Variants in MARF1 observed in about 807,000 individuals in gnomAD.
MARF1 encodes the protein limkain-b1.
Under a neutral mutation model 168.2 loss-of-function variants are expected in MARF1, and 24 were observed. The observed-to-expected ratio is 0.14, with a 90% CI of 0.10 to 0.20. The LOEUF (loss-of-function observed/expected upper bound fraction) is 0.20. MARF1 is among the 10% of genes least tolerant of loss of function. The pLI is 1.00. For synonymous variants in MARF1, 868 were observed against 822.4 expected, an observed-to-expected ratio of 1.06 and a Z score of -0.95; for missense variants, 1,744 against 2,143.6, an observed-to-expected ratio of 0.81 and a Z score of 3.68.
At chr16:15,619,341 T>A (rs1172729294) in intron 13 of MARF1, among the ~76,000 whole-genome samples, 1 of 152,242 alleles carries the variant, frequency 6.6e-6, no homozygotes, top group African/African-American at 2.4e-5. Context: ...ATTTGACATT[T>A]TGACATTTCT....
At chr16:15,639,416 T>G in intron 1 of MARF1, 125 bp from the exon 2 acceptor site, 1 of 672,972 alleles carries the variant, frequency 1.5e-6, no homozygotes, top group South Asian at 2.1e-5. Context: ...AAATCTTTGT[T>G]TCAAGAGGAA....
chr16:15,598,885 A>T lies in MARF1; in HGVS notation c.4953T>A (p.Ile1651=). 6.2e-7 allele frequency: 1 copy of T among 1,614,032 alleles called. No homozygotes were observed. The highest frequency in any genetic ancestry group is 8.5e-7 in the Non-Finnish European group (1 of 1,179,992). The part of the protein sequence containing the change: ...DPVILQSADL[I]QFEERPQEPS... ...GCTCTTGAGGGCGCTCCTCAAACTG[A>T]ATGAGATCAGCAGATTGGAGGATAA... The change falls in exon 26 of 27, where the codon ATT becomes ATA. Residue 1651 remains isoleucine (I), a synonymous_variant. Transcript: ENST00000396368.
intron 18 of MARF1, 27 bp from the exon 19 acceptor site, chr16:15,611,135 C>T (rs776272544): frequency 2.2e-5 from 35 of 1,609,506 alleles, no homozygotes; most frequent in East Asian, 6.7e-5. Flanking sequence ...GAAGTGGATA[C>T]GGAATGAGTA....
chr16:15,618,628 T>C (rs2034236600), intron 13 of MARF1, among the ~76,000 whole-genome samples: 1 of 152,318 alleles, frequency 6.6e-6, no homozygotes, highest in Non-Finnish European at 1.5e-5. Flanking sequence ...TCCCTGGCCC[T>C]GGTGGCATTC....
Position 15,598,862 on chromosome 16 carries a change from T to C in MARF1, c.4976A>G (p.Glu1659Gly), listed in dbSNP as rs2032056463. Residue 1659 changes from glutamate to glycine, a missense_variant, in exon 26 of 27, where the codon GAG (glutamate) becomes GGG (glycine). Around this residue, in one of 7 missense-constraint regions of MARF1, gnomAD observed 313 missense variants for 337.4 expected, o/e 0.93. Transcript: ENST00000396368. The stretch of plus-strand genomic sequence containing the variant: ...AACATGGAGTCACCCACCAGAAGGC[T>C]CTTGAGGGCGCTCCTCAAACTGAAT... ...DLIQFEERPQ[E>G]PSEIMILNQE... 6.2e-7 allele frequency: 1 copy of C among 1,613,730 alleles called. No individual in the cohort carries two copies. Among genetic ancestry groups the C allele is most frequent in the South Asian group, 1.1e-5 (1 of 91,080 alleles).
chr16:15,640,831 A>C (rs1210344060), intron 1 of MARF1, among the ~76,000 whole-genome samples: 1 of 152,234 alleles, frequency 6.6e-6, no homozygotes, highest in Non-Finnish European at 1.5e-5. Flanking sequence ...AGTTGCAAAG[A>C]GAGTCTCTGC....
At chr16:15,606,094 G>A (rs2032989343) in intron 21 of MARF1, 1 of 152,290 alleles carries the variant, frequency 6.6e-6, no homozygotes. Context: ...AACCTCCTGA[G>A]CATCCCACTT....
chr16:15,609,332 GAAGGAAAAAGCCATA>G (rs2033310410), intron 20 of MARF1, among the ~76,000 whole-genome samples, 176 bp downstream of exon 20: 1 of 152,048 alleles, frequency 6.6e-6, no homozygotes, highest in African/African-American at 2.4e-5. Flanking sequence ...ATCCTTTATT[GAAGGAAAAAGCCATA>G]TTTATCTAAA....
At chr16:15,605,930 C>A (rs1413479730) in intron 21 of MARF1, 1 of 148,630 alleles carries the variant, frequency 6.7e-6, no homozygotes, top group African/African-American at 2.4e-5. Context: ...ACTGAACACC[C>A]AGGGACCTGT....
At position 15,636,217 on chromosome 16, in the gene MARF1, T is replaced by C. The variant is rs878958937; in HGVS notation, c.270A>G (p.Lys90=). 2.5e-6 allele frequency: 4 copies of C among 1,614,216 alleles called. No homozygotes were observed. The Admixed American group carries it at 5.0e-5, about 20-fold the overall frequency. ...LPDIRSLQQP[K]IQLSSVPKVS... ...CTTTGGGGACAGAAGAAAGCTGTAT[T>C]TTAGGCTGCTGAAGAGAACGAATAT... The change falls in exon 3 of 27, where the codon AAA becomes AAG. Residue 90 remains lysine, a synonymous_variant. Transcript: ENST00000396368.
At chr16:15,606,644 G>C (rs2033040423) in intron 21 of MARF1, among the ~76,000 whole-genome samples, 1 of 152,002 alleles carries the variant, frequency 6.6e-6, no homozygotes, top group Non-Finnish European at 1.5e-5. Flanking sequence ...ACCTGCCCAT[G>C]CCTGCCCCCA....
At chr16:15,597,516 G>C (rs2031853821) in intron 26 of MARF1, among the ~76,000 whole-genome samples, 1 of 152,034 alleles carries the variant, frequency 6.6e-6, no homozygotes, top group Non-Finnish European at 1.5e-5. Context: ...TTCTGTGGCT[G>C]AGCCACATGT....
chr16:15,600,748 C>T, intron 23 of MARF1, 47 bp from the exon 24 acceptor site: 4 of 1,596,510 alleles, frequency 2.5e-6, no homozygotes, highest in Non-Finnish European at 3.4e-6. Context: ...AAGGAGGGGA[C>T]AGAAGCCCTA....
chr16:15,633,281 C>T (rs981779422), intron 5 of MARF1, among the ~76,000 whole-genome samples: 6 of 151,974 alleles, frequency 3.9e-5, no homozygotes, highest in African/African-American at 1.5e-4. Context: ...CACCACCTAA[C>T]CCTGGATCCT....
chr16:15,619,030 C>T (rs2034264115), intron 13 of MARF1, among the ~76,000 whole-genome samples: 1 of 152,182 alleles, frequency 6.6e-6, no homozygotes, highest in Non-Finnish European at 1.5e-5. Flanking sequence ...AATTCCAGCA[C>T]TTTGGGAGGC....
At position 15,609,367 on chromosome 16, in the gene MARF1, G is replaced by A. The variant is rs574647035; in HGVS notation, c.3954+156C>T. 2.6e-5 allele frequency among the ~76,000 whole-genome samples: 4 copies of A among 152,222 alleles called. No homozygotes were observed. In the South Asian group the frequency reaches 8.3e-4, roughly 32 times the overall value. On this transcript the variant is annotated intron_variant, in intron 20 of 26. Coordinates refer to ENST00000396368, the MANE Select transcript of MARF1 (RefSeq NM_014647.4). ...GCCATATTTATCTAAAAATACTAAT[G>A]AGTCAGGAATATGGCTTCTCTGACT...
chr16:15,635,750 A>T lies in MARF1; in HGVS notation c.737T>A (p.Leu246Gln). The change falls in exon 3 of 27, where the codon CTA (leucine) becomes CAA (glutamine). Residue 246 changes from leucine to glutamine, a missense_variant. Around this residue, in one of 7 missense-constraint regions of MARF1, gnomAD observed 318 missense variants for 336.6 expected, o/e 0.94. Transcript: ENST00000396368. ...AGAGTTGGTGCACAAGTGAGGCGTT[A>T]GCTCCGACTGTGAAATGTGCTCTTC... Reference protein sequence around the residue: ...HLEEHISQSELTPHLCTNSLH... With the variant: ...HLEEHISQSEQTPHLCTNSLH... The T allele has an allele frequency of 6.2e-7, 1 of 1,614,254 alleles. No individual in the cohort carries two copies. Among genetic ancestry groups the T allele is most frequent in the Non-Finnish European group, 8.5e-7 (1 of 1,180,050 alleles).
At chr16:15,629,531 A>C (rs924244929) in intron 7 of MARF1, among the ~76,000 whole-genome samples, 2 of 152,204 alleles carry the variant, frequency 1.3e-5, no homozygotes, top group African/African-American at 4.8e-5. Flanking sequence ...GCATGAGATC[A>C]TGTCTAACGT....
chr16:15,631,615 T>C (rs867478665), intron 5 of MARF1, 117 bp from the exon 6 acceptor site: 15 of 588,510 alleles, frequency 2.5e-5, no homozygotes, highest in African/African-American at 3.8e-5. Context: ...CTGGGGTACA[T>C]GTGCAGAACG....
Sources: gnomAD v4.1 joint callset for allele counts (sites outside exome capture counted in the v4.1 genomes callset) on GRCh38, gnomAD v4.1.1 for gene constraint, gnomAD v4.1.1 regional missense constraint, MANE v1.5 for transcripts, NCBI Gene and HGNC (gene_info 2026-07-23, HGNC 2026-07-21) for gene names.